The following FHIT variants were observed in gnomAD, a reference collection of about 807,000 sequenced individuals.
FHIT encodes bis(5'-adenosyl)-triphosphatase.
FHIT carries 19 observed loss-of-function variants against 17.9 expected under a neutral mutation model. The ratio of observed to expected loss-of-function variants is 1.06; its 90% confidence interval spans 0.74 to 1.56. FHIT has a LOEUF of 1.56. FHIT is among the 40% of genes most tolerant of loss of function. The pLI is 0.00. For synonymous variants in FHIT, 81 were observed against 69.7 expected (o/e 1.16, Z -0.81); for missense variants, 248 against 189.2 (o/e 1.31, Z -1.82).
intron 5 of FHIT, among the ~76,000 whole-genome samples, chr3:60,345,294 G>A (rs1285269904): frequency 6.6e-6 from 1 of 152,116 alleles, no homozygotes; most frequent in East Asian, 1.9e-4. Context: ...CAGCACACCA[G>A]GTAACACTAA....
At chr3:59,984,614 A>T (rs1255786652) in intron 7 of FHIT, among the ~76,000 whole-genome samples, 2 of 152,196 alleles carry the variant, frequency 1.3e-5, no homozygotes, top group East Asian at 3.9e-4. Flanking sequence ...TAACCTTAGC[A>T]CATATGAGAA....
chr3:60,151,370 T>C (rs1379555417), intron 5 of FHIT, among the ~76,000 whole-genome samples: 1 of 152,188 alleles, frequency 6.6e-6, no homozygotes, highest in Non-Finnish European at 1.5e-5. Flanking sequence ...ACCATTATCA[T>C]CAAGTTGAAA....
chr3:59,980,109 T>C (rs1300107623), intron 7 of FHIT, among the ~76,000 whole-genome samples: 1 of 152,178 alleles, frequency 6.6e-6, no homozygotes, highest in African/African-American at 2.4e-5. Context: ...ACATTGCTCT[T>C]TTCCCCCTCT....
intron 2 of FHIT, among the ~76,000 whole-genome samples, chr3:61,091,980 G>C (rs894595230): frequency 3.3e-5 from 5 of 149,282 alleles, no homozygotes; most frequent in African/African-American, 1.2e-4. Context: ...ACAGGAGTCA[G>C]GCTCCCAGGA....
chr3:60,746,158 C>G (rs1333508131), intron 4 of FHIT, among the ~76,000 whole-genome samples: 1 of 152,200 alleles, frequency 6.6e-6, no homozygotes, highest in Non-Finnish European at 1.5e-5. Context: ...CTGTGGTCAT[C>G]AATCTTTGTT....
At chr3:60,688,474 C>T (rs187197372) in intron 4 of FHIT, among the ~76,000 whole-genome samples, 3 of 151,446 alleles carry the variant, frequency 2.0e-5, no homozygotes. Context: ...TCTTACTGCC[C>T]CAGCTGGAAT....
At chr3:61,224,184 C>T (rs933632008) in intron 1 of FHIT, among the ~76,000 whole-genome samples, 1 of 152,098 alleles carries the variant, frequency 6.6e-6, no homozygotes, top group Non-Finnish European at 1.5e-5. Flanking sequence ...CCCTAAGGGC[C>T]GTATAGTTCT....
chr3:60,711,471 C>T (rs4405865), intron 4 of FHIT, among the ~76,000 whole-genome samples: 145,359 of 152,292 alleles, frequency 0.95, 69,493 homozygotes, highest in East Asian at 1. Context: ...ATGATCCAAC[C>T]ACTCCGAGCT....
At chr3:61,103,313 C>A (rs1041361156) in intron 2 of FHIT, among the ~76,000 whole-genome samples, 13 of 152,030 alleles carry the variant, frequency 8.6e-5, no homozygotes, top group African/African-American at 3.1e-4. Flanking sequence ...CATTATTTAC[C>A]CAGTAGTCAT....
intron 2 of FHIT, among the ~76,000 whole-genome samples, chr3:61,140,027 A>AT (rs1423065697): frequency 6.6e-6 from 1 of 151,776 alleles, no homozygotes; most frequent in Admixed American, 6.6e-5. Context: ...GAAAGCAAAA[A>AT]AAAAAAAAAA....
chr3:60,801,778 T>C (rs535466179), intron 4 of FHIT, among the ~76,000 whole-genome samples: 5 of 152,340 alleles, frequency 3.3e-5, no homozygotes, highest in East Asian at 1.9e-4. Context: ...AATTCCAGTG[T>C]TGTCTCTCAT....
At chr3:60,924,007 G>A (rs967506677) in intron 3 of FHIT, among the ~76,000 whole-genome samples, 1 of 152,156 alleles carries the variant, frequency 6.6e-6, no homozygotes, top group Admixed American at 6.5e-5. Context: ...AGCGAGGCTT[G>A]GGGAGGGGCC....
At chr3:60,380,742 G>C (rs1700764332) in intron 5 of FHIT, among the ~76,000 whole-genome samples, 1 of 152,094 alleles carries the variant, frequency 6.6e-6, no homozygotes, top group African/African-American at 2.4e-5. Flanking sequence ...ATCATTACCA[G>C]TTTCTAACAC....
At chr3:61,148,790 T>G (rs1427194606) in intron 2 of FHIT, among the ~76,000 whole-genome samples, 4 of 152,220 alleles carry the variant, frequency 2.6e-5, no homozygotes, top group Middle Eastern at 3.2e-3. Context: ...GGTTATTTTA[T>G]TTTAACAGTA....
intron 5 of FHIT, among the ~76,000 whole-genome samples, chr3:60,497,453 AAC>A (rs778606771): frequency 5.3e-5 from 8 of 152,340 alleles, no homozygotes; most frequent in South Asian, 2.1e-4. Context: ...TCTGCAAACA[AAC>A]ACAGTTAATT....
At chr3:60,032,669 C>T (rs1383580061) in intron 5 of FHIT, among the ~76,000 whole-genome samples, 1 of 152,110 alleles carries the variant, frequency 6.6e-6, no homozygotes, top group Non-Finnish European at 1.5e-5. Context: ...GACATTATGC[C>T]TCCCTATACA....
At chr3:61,193,217 C>G (rs17064608) in intron 2 of FHIT, among the ~76,000 whole-genome samples, 61,510 of 152,036 alleles carry the variant, frequency 0.4, 13,201 homozygotes, top group East Asian at 0.8. Flanking sequence ...TAGGTGGGCA[C>G]TTGGAGTACA....
chr3:61,066,661 T>A (rs565844671), intron 2 of FHIT, among the ~76,000 whole-genome samples: 52 of 152,174 alleles, frequency 3.4e-4, no homozygotes, highest in African/African-American at 1.3e-3. Flanking sequence ...AAAGTATTAA[T>A]GAGCCGTTAT....
At chr3:60,456,792 C>T (rs1056182639) in intron 5 of FHIT, among the ~76,000 whole-genome samples, 2 of 152,090 alleles carry the variant, frequency 1.3e-5, no homozygotes, top group African/African-American at 4.8e-5. Flanking sequence ...ACTTTTAATA[C>T]ATCAAGACTA....
Sources: gnomAD v4.1 joint callset for allele counts (sites outside exome capture counted in the v4.1 genomes callset) on GRCh38, gnomAD v4.1.1 for gene constraint, MANE v1.5 for transcripts, NCBI Gene and HGNC (gene_info 2026-07-23, HGNC 2026-07-21) for gene names.